The following GALNTL6 variants were observed in gnomAD, a reference collection of about 807,000 sequenced individuals.
The protein encoded by GALNTL6 is polypeptide N-acetylgalactosaminyltransferase like 6, also known as polypeptide N-acetylgalactosaminyltransferase-like 6.
GALNTL6 carries 46 observed loss-of-function variants against 73.7 expected under a neutral mutation model. The ratio of observed to expected loss-of-function variants is 0.62; its 90% confidence interval spans 0.49 to 0.80. The LOEUF (loss-of-function observed/expected upper bound fraction) is 0.80. Among genes scored for constraint, GALNTL6 ranks in the 30% least tolerant of loss-of-function variants. The pLI is 0.00. For missense variants in GALNTL6, 604 were observed against 755.0 expected (o/e 0.80, Z 2.34); for synonymous variants, 259 against 263.7 (o/e 0.98, Z 0.17).
At chr4:172,109,091 A>T (rs1428234483) in intron 2 of GALNTL6, among the ~76,000 whole-genome samples, 2 of 151,008 alleles carry the variant, frequency 1.3e-5, no homozygotes, top group African/African-American at 4.9e-5. Context: ...ATGTCATTTA[A>T]TTTTTTCAGG....
At chr4:172,657,761 G>C (rs1174594088) in intron 5 of GALNTL6, among the ~76,000 whole-genome samples, 1 of 151,892 alleles carries the variant, frequency 6.6e-6, no homozygotes, top group South Asian at 2.1e-4. Flanking sequence ...TGAGGGAAAA[G>C]TGACTGATTA....
At chr4:171,908,252 A>C (rs1475843537) in intron 2 of GALNTL6, among the ~76,000 whole-genome samples, 2 of 152,170 alleles carry the variant, frequency 1.3e-5, no homozygotes, top group Non-Finnish European at 2.9e-5. Context: ...CTCATCTGAC[A>C]AAGGGCTAAT....
chr4:171,837,548 A>T (rs940825748), intron 2 of GALNTL6, among the ~76,000 whole-genome samples: 15 of 148,112 alleles, frequency 1.0e-4, no homozygotes, highest in Non-Finnish European at 1.6e-4. Flanking sequence ...TTCAGAAAAA[A>T]AAATATATAA....
intron 5 of GALNTL6, among the ~76,000 whole-genome samples, chr4:172,615,984 C>T (rs948289599): frequency 6.6e-6 from 1 of 152,046 alleles, no homozygotes; most frequent in Non-Finnish European, 1.5e-5. Flanking sequence ...TGTGATAATG[C>T]GAAAAGAGTT....
chr4:172,021,364 A>G (rs1215335195), intron 2 of GALNTL6, among the ~76,000 whole-genome samples: 1 of 152,030 alleles, frequency 6.6e-6, no homozygotes, highest in African/African-American at 2.4e-5. Flanking sequence ...ACATGATACA[A>G]TCTTATATTT....
intron 11 of GALNTL6, among the ~76,000 whole-genome samples, chr4:173,015,276 G>C (rs560990089): frequency 6.6e-6 from 1 of 152,214 alleles, no homozygotes; most frequent in Non-Finnish European, 1.5e-5. Context: ...GTAGGGTGCT[G>C]CTATAAGGAT....
At position 172,882,649 on chromosome 4, in the gene GALNTL6, T is replaced by C. The variant is rs369627747; in HGVS notation, c.924-141T>C. The C allele has an allele frequency of 6.8e-4, 441 of 647,796 alleles. 4 individuals carry two copies. Among genetic ancestry groups the C allele is most frequent in the Middle Eastern group, 3.9e-3 (13 of 3,322 alleles). The allele number at this position is 647,796 out of a possible 1,614,324, so 40.1% of individuals were successfully genotyped here. Reference sequence around the variant, plus strand: ...TGAGAGACCCAATGAGAACCCTATATCCACTTACAGAAAACCAGTGCTGAA... The same window carrying C: ...TGAGAGACCCAATGAGAACCCTATACCCACTTACAGAAAACCAGTGCTGAA... On this transcript the variant is annotated intron_variant, in intron 7 of 12. Coordinates refer to ENST00000506823, the MANE Select transcript of GALNTL6 (RefSeq NM_001034845.3).
chr4:172,976,824 C>T (rs1208708172), intron 10 of GALNTL6, among the ~76,000 whole-genome samples: 3 of 152,142 alleles, frequency 2.0e-5, no homozygotes, highest in Non-Finnish European at 2.9e-5. Flanking sequence ...ACAGCCTTCA[C>T]GATGATAAGG....
chr4:171,846,836 A>G (rs960769867), intron 2 of GALNTL6, among the ~76,000 whole-genome samples: 1 of 147,544 alleles, frequency 6.8e-6, no homozygotes, highest in African/African-American at 2.5e-5. Flanking sequence ...CTATAGATAC[A>G]TAAATATATT....
chr4:172,718,059 CT>C (rs1238539841), intron 5 of GALNTL6, among the ~76,000 whole-genome samples: 1 of 152,162 alleles, frequency 6.6e-6, no homozygotes, highest in Non-Finnish European at 1.5e-5. Context: ...AGAATGTTTA[CT>C]TACACTGGAA....
At chr4:172,294,258 T>G (rs1297525258) in intron 3 of GALNTL6, among the ~76,000 whole-genome samples, 1 of 152,192 alleles carries the variant, frequency 6.6e-6, no homozygotes, top group Non-Finnish European at 1.5e-5. Flanking sequence ...TTATTTTCTT[T>G]ATAGTTTTTC....
At chr4:172,095,168 G>T (rs1732315814) in intron 2 of GALNTL6, among the ~76,000 whole-genome samples, 1 of 139,614 alleles carries the variant, frequency 7.2e-6, no homozygotes, top group South Asian at 2.4e-4. Flanking sequence ...ATAAAATAAT[G>T]TCAAAAAATT....
At chr4:172,132,572 T>G (rs528696641) in intron 2 of GALNTL6, among the ~76,000 whole-genome samples, 3 of 152,162 alleles carry the variant, frequency 2.0e-5, no homozygotes, top group Non-Finnish European at 4.4e-5. Flanking sequence ...TGCCTGCATG[T>G]GTGTTTTTCT....
chr4:172,017,580 G>C (rs542261820), intron 2 of GALNTL6, among the ~76,000 whole-genome samples: 6 of 152,174 alleles, frequency 3.9e-5, no homozygotes, highest in African/African-American at 1.2e-4. Flanking sequence ...TTGGGGTACC[G>C]GTGCAGACGT....
chr4:172,404,907 A>G (rs1744157594), intron 5 of GALNTL6, among the ~76,000 whole-genome samples: 1 of 152,072 alleles, frequency 6.6e-6, no homozygotes, highest in Non-Finnish European at 1.5e-5. Context: ...GTAAGTGCTA[A>G]TGCCAGGTTG....
At position 172,304,431 on chromosome 4, in the gene GALNTL6, A is replaced by AT. The variant is rs201320659; in HGVS notation, c.248-7183_248-7182insT. On this transcript the variant is annotated intron_variant, in intron 3 of 12. Coordinates refer to ENST00000506823, the MANE Select transcript of GALNTL6 (RefSeq NM_001034845.3). Reference sequence around the variant, plus strand: ...AATAGTAAGTAGTATATGGGAAAAAAAAAAGCAAATTTGGGAAATAGGTCC... The same window carrying AT: ...AATAGTAAGTAGTATATGGGAAAAAATAAAAGCAAATTTGGGAAATAGGTCC... Among the ~76,000 whole-genome samples the AT allele has an allele frequency of 5.7e-3, 858 of 151,730 alleles. 10 individuals are homozygous for AT. Among genetic ancestry groups the AT allele is most frequent in the African/African-American group, 0.019 (775 of 41,368 alleles).
At chr4:173,038,516 A>G (rs182270600) in intron 12 of GALNTL6, among the ~76,000 whole-genome samples, 5 of 152,350 alleles carry the variant, frequency 3.3e-5, no homozygotes, top group African/African-American at 1.2e-4. Context: ...CAAGATGGAA[A>G]GAAAATGGCA....
At chr4:172,237,490 T>A (rs1372503958) in intron 3 of GALNTL6, among the ~76,000 whole-genome samples, 3 of 152,168 alleles carry the variant, frequency 2.0e-5, no homozygotes. Context: ...GGATATTAGA[T>A]CTTTGTCAGA....
intron 5 of GALNTL6, among the ~76,000 whole-genome samples, chr4:172,741,956 A>G (rs1482565821): frequency 6.6e-6 from 1 of 151,890 alleles, no homozygotes; most frequent in Non-Finnish European, 1.5e-5. Flanking sequence ...ATAAAACAAT[A>G]GAGAAAAATA....
Sources: gnomAD v4.1 joint callset for allele counts (sites outside exome capture counted in the v4.1 genomes callset) on GRCh38, gnomAD v4.1.1 for gene constraint, MANE v1.5 for transcripts, NCBI Gene and HGNC (gene_info 2026-07-23, HGNC 2026-07-21) for gene names.